The following TMEM108 variants were observed in gnomAD, a reference collection of about 807,000 sequenced individuals.
TMEM108 encodes the protein cancer/testis antigen 124.
Under a neutral mutation model 35.1 loss-of-function variants are expected in TMEM108, and 12 were observed. That is an observed-to-expected ratio of 0.34 (90% confidence interval 0.22 to 0.55). The LOEUF (loss-of-function observed/expected upper bound fraction) is 0.55, where lower values mean the gene tolerates loss of function less well. TMEM108 is among the 20% of genes least tolerant of loss of function. TMEM108 has a pLI of 0.89. For synonymous variants in TMEM108, 287 were observed against 308.6 expected (o/e 0.93, Z 0.73); for missense variants, 680 against 753.3 (o/e 0.90, Z 1.14).
At chr3:133,375,840 C>G (rs1156983825) in intron 3 of TMEM108, among the ~76,000 whole-genome samples, 1 of 152,186 alleles carries the variant, frequency 6.6e-6, no homozygotes, top group African/African-American at 2.4e-5. Context: ...CAAGTCACTT[C>G]CCTCCTTCTG....
At chr3:133,360,331 T>A (rs944652373) in intron 3 of TMEM108, among the ~76,000 whole-genome samples, 2 of 152,160 alleles carry the variant, frequency 1.3e-5, no homozygotes, top group Non-Finnish European at 2.9e-5. Flanking sequence ...AAATGGTGAA[T>A]TTTATTGTAT....
chr3:133,112,130 A>C (rs1576324544), intron 2 of TMEM108, among the ~76,000 whole-genome samples: 1 of 152,240 alleles, frequency 6.6e-6, no homozygotes, highest in African/African-American at 2.4e-5. Flanking sequence ...AAATTCTGGC[A>C]TCTCTTGCTG....
intron 3 of TMEM108, among the ~76,000 whole-genome samples, chr3:133,275,683 C>A (rs1299150848): frequency 6.6e-6 from 1 of 152,086 alleles, no homozygotes; most frequent in Non-Finnish European, 1.5e-5. Flanking sequence ...CCAGGGGGAT[C>A]TGGAGCAGCA....
chr3:133,051,061 G>A, intron 2 of TMEM108, among the ~76,000 whole-genome samples: 1 of 151,786 alleles, frequency 6.6e-6, no homozygotes, highest in Non-Finnish European at 1.5e-5. Context: ...TATGGTGAGA[G>A]TATGTTTTAT....
rs530758714 is a variant in TMEM108 at position 133,140,085 on chromosome 3, T to C, written c.-46-89181T>C. Among the ~76,000 whole-genome samples, 3 of 152,346 alleles carry C rather than the reference T, an allele frequency of 2.0e-5. No individual in the cohort carries two copies. The South Asian group carries it at 6.2e-4, about 32-fold the overall frequency. ...ATCCTTTTCAATTTGTTATATGCCATTGATCAGTTTTTAGAATCTTAATTT... is the reference window on the plus strand; with the variant it reads ...ATCCTTTTCAATTTGTTATATGCCACTGATCAGTTTTTAGAATCTTAATTT... On this transcript the variant is annotated intron_variant, in intron 2 of 5. Transcript: ENST00000321871.
chr3:133,088,053 C>T (rs1346499378), intron 2 of TMEM108, among the ~76,000 whole-genome samples: 3 of 152,148 alleles, frequency 2.0e-5, no homozygotes, highest in South Asian at 2.1e-4. Context: ...TTGACTTTAG[C>T]GTGTTCTTTA....
In TMEM108 at chr3:133,254,383, A is replaced by G. The variant is rs183953776; in HGVS notation, c.40+25032A>G. Among the ~76,000 whole-genome samples, 271 of 152,320 alleles carry G rather than the reference A, an allele frequency of 1.8e-3. 1 individual carries two copies. The highest frequency in any genetic ancestry group is 5.9e-3 in the African/African-American group (245 of 41,570). ...TGGTTTTGGTTTTGATTCCTATTAA[A>G]TATGCAATATGAATAACTCTAAGAT... On this transcript the variant is annotated intron_variant, in intron 3 of 5. Transcript: ENST00000321871.
intron 2 of TMEM108, among the ~76,000 whole-genome samples, chr3:133,198,249 A>C (rs1214104639): frequency 1.3e-5 from 2 of 152,172 alleles, no homozygotes; most frequent in African/African-American, 4.8e-5. Flanking sequence ...GATTATGTGG[A>C]TTTTGAGAAT....
At chr3:133,208,007 C>G (rs1295653164) in intron 2 of TMEM108, among the ~76,000 whole-genome samples, 1 of 152,154 alleles carries the variant, frequency 6.6e-6, no homozygotes, top group Non-Finnish European at 1.5e-5. Flanking sequence ...CCTCTTTCTT[C>G]ATTTTGTTGG....
At chr3:133,087,326 AG>A (rs1222822222) in intron 2 of TMEM108, among the ~76,000 whole-genome samples, 1 of 152,102 alleles carries the variant, frequency 6.6e-6, no homozygotes, top group Non-Finnish European at 1.5e-5. Flanking sequence ...TGTCCTATTT[AG>A]ATGTGATAAC....
intron 3 of TMEM108, among the ~76,000 whole-genome samples, chr3:133,315,863 GA>G (rs2071192456): frequency 6.6e-6 from 1 of 152,128 alleles, no homozygotes; most frequent in Non-Finnish European, 1.5e-5. Flanking sequence ...AATGAGTAAG[GA>G]ATACATAATT....
At chr3:133,071,126 A>G (rs558124142) in intron 2 of TMEM108, among the ~76,000 whole-genome samples, 23 of 152,312 alleles carry the variant, frequency 1.5e-4, no homozygotes, top group Non-Finnish European at 2.5e-4. Context: ...ATAAGTTGCA[A>G]CATAGGCTAT....
intron 2 of TMEM108, among the ~76,000 whole-genome samples, chr3:133,047,986 T>C (rs942492101): frequency 6.6e-6 from 1 of 152,168 alleles, no homozygotes; most frequent in South Asian, 2.1e-4. Flanking sequence ...GGCGAAGGTC[T>C]GTGGTATGGG....
chr3:133,191,551 A>G (rs957112291), intron 2 of TMEM108, among the ~76,000 whole-genome samples: 19 of 152,168 alleles, frequency 1.2e-4, no homozygotes, highest in African/African-American at 3.6e-4. Context: ...GTTTAATGTC[A>G]TCTTCACTCT....
chr3:133,336,028 A>G (rs1436482592), intron 3 of TMEM108, among the ~76,000 whole-genome samples: 3 of 152,192 alleles, frequency 2.0e-5, no homozygotes, highest in Admixed American at 2.0e-4. Flanking sequence ...CCCTAGCCAG[A>G]GAGGAATTGC....
chr3:133,277,372 T>G (rs2107686011), intron 3 of TMEM108, among the ~76,000 whole-genome samples: 1 of 152,330 alleles, frequency 6.6e-6, no homozygotes, highest in African/African-American at 2.4e-5. Context: ...AAGTTACGTA[T>G]TAGTAAATCT....
intron 2 of TMEM108, among the ~76,000 whole-genome samples, chr3:133,146,937 G>A (rs566967143): frequency 3.4e-4 from 52 of 152,012 alleles, no homozygotes; most frequent in South Asian, 2.1e-3. Context: ...ATTTTTTGAA[G>A]GCTTTTTCAT....
At chr3:133,104,739 C>G (rs62280291) in intron 2 of TMEM108, among the ~76,000 whole-genome samples, 14,575 of 152,214 alleles carry the variant, frequency 0.096, 891 homozygotes, top group Admixed American at 0.17. Flanking sequence ...GGGGAAAACT[C>G]TCAGTGTTCT....
At chr3:133,169,658 C>T (rs992469636) in intron 2 of TMEM108, among the ~76,000 whole-genome samples, 3 of 152,180 alleles carry the variant, frequency 2.0e-5, no homozygotes, top group African/African-American at 7.2e-5. Flanking sequence ...TTATTATAAC[C>T]GGGGACAAAA....
Sources: gnomAD v4.1 joint callset for allele counts (sites outside exome capture counted in the v4.1 genomes callset) on GRCh38, gnomAD v4.1.1 for gene constraint, MANE v1.5 for transcripts, NCBI Gene and HGNC (gene_info 2026-07-23, HGNC 2026-07-21) for gene names.